Variants in TTC6 observed in about 807,000 individuals in gnomAD.
The protein encoded by TTC6 is tetratricopeptide repeat protein 6.
Under a neutral mutation model 210.4 loss-of-function variants are expected in TTC6, and 172 were observed. The ratio of observed to expected loss-of-function variants is 0.82; its 90% CI spans 0.72 to 0.93. The LOEUF is 0.93. Among genes scored for constraint, TTC6 ranks in the 40% least tolerant of loss-of-function variants. The pLI, the probability that TTC6 is intolerant of heterozygous loss-of-function variation, is 0.00. For synonymous variants in TTC6, 804 were observed against 819.6 expected (o/e 0.98, Z 0.32); for missense variants, 2,414 against 2,318.1 (o/e 1.04, Z -0.85).
intron 5 of TTC6, among the ~76,000 whole-genome samples, chr14:37,713,923 A>G (rs1003473138): frequency 9.2e-5 from 14 of 152,174 alleles, no homozygotes; most frequent in African/African-American, 2.7e-4. Flanking sequence ...AAATGCTTCA[A>G]TGTGAAATTG....
At chr14:37,611,034 T>C (rs1233383861) in intron 2 of TTC6, among the ~76,000 whole-genome samples, 1 of 152,220 alleles carries the variant, frequency 6.6e-6, no homozygotes. Context: ...AAGAGGCTCT[T>C]CGGGAGCAGC....
intron 6 of TTC6, among the ~76,000 whole-genome samples, chr14:37,721,683 T>C (rs926196330): frequency 6.6e-6 from 1 of 151,906 alleles, no homozygotes; most frequent in Non-Finnish European, 1.5e-5. Context: ...ACCGCCATCA[T>C]ACTTCACCAT....
intron 1 of TTC6, among the ~76,000 whole-genome samples, chr14:37,673,929 T>A (rs1310120243): frequency 6.6e-6 from 1 of 152,174 alleles, no homozygotes; most frequent in African/African-American, 2.4e-5. Context: ...AAAAATTTGT[T>A]TAACACTTTG....
At chr14:37,737,926 C>A (rs1177081000) in intron 9 of TTC6, among the ~76,000 whole-genome samples, 192 bp downstream of exon 11, 1 of 151,638 alleles carries the variant, frequency 6.6e-6, no homozygotes, top group Non-Finnish European at 1.5e-5. Flanking sequence ...CTCTGTTGTA[C>A]TTTAGTACAT....
Position 37,821,482 on chromosome 14 carries a change from G to C in TTC6, c.4764-2265G>C, listed in dbSNP as rs185649304. ...CTGAGTAACTCAAAAGGCAGCATCT[G>C]ATTCCCATATGTGGATGTTAACCTT... On this transcript the variant is annotated intron_variant, in intron 26 of 30. Transcript: ENST00000553443. 2.8e-3 allele frequency among the ~76,000 whole-genome samples: 431 copies of C among 152,276 alleles called. 10 individuals are homozygous for C. Among genetic ancestry groups the C allele is most frequent in the Admixed American group, 0.025 (389 of 15,286 alleles).
At chr14:37,739,264 G>C in intron 10 of TTC6, 109 bp downstream of exon 12, 1 of 1,133,684 alleles carries the variant, frequency 8.8e-7, no homozygotes, top group East Asian at 2.7e-5. Flanking sequence ...CTGAACATAT[G>C]AACCTTTCAC....
intron 1 of TTC6, among the ~76,000 whole-genome samples, chr14:37,604,502 G>A (rs918018511): frequency 6.6e-6 from 1 of 152,114 alleles, no homozygotes; most frequent in Admixed American, 6.5e-5. Flanking sequence ...GTCTGCCTGT[G>A]CCTTTCCTGG....
chr14:37,743,510 TCA>T (rs1402075854), intron 10 of TTC6, among the ~76,000 whole-genome samples: 1 of 152,230 alleles, frequency 6.6e-6, no homozygotes, highest in African/African-American at 2.4e-5. Context: ...GAGAAATAAG[TCA>T]CAATTAACAT....
chr14:37,806,221 C>T, intron 21 of TTC6, 140 bp from the exon 24 acceptor site: 2 of 838,790 alleles, frequency 2.4e-6, no homozygotes, highest in Non-Finnish European at 3.5e-6. Context: ...CCATGAGGTC[C>T]ATTAGGAGAA....
intron 21 of TTC6, among the ~76,000 whole-genome samples, chr14:37,806,097 TA>T (rs1308569337): frequency 6.6e-6 from 1 of 152,136 alleles, no homozygotes; most frequent in Non-Finnish European, 1.5e-5. Context: ...GAAGAATAAT[TA>T]AAATTATACC....
rs774344674 is a variant in TTC6 at position 37,826,267 on chromosome 14, G to A, written c.5047G>A (p.Ala1683Thr). 2.2e-5 allele frequency: 36 copies of A among 1,612,592 alleles called. No homozygotes were observed. The East Asian group carries it at 7.8e-4, about 35-fold the overall frequency. The change falls in exon 28 of 31, where the codon GCC (alanine) becomes ACC (threonine). Residue 1683 changes from alanine (A) to threonine (T), a missense_variant. Physicochemically the swap from Ala to Thr is moderately conservative, Grantham distance 58. Transcript: ENST00000553443. ...AGATACTGATCCAAAGAACTACCTA[G>A]CCTATGAAGGAAGAGCTGTGGTCTG...
intron 2 of TTC6, among the ~76,000 whole-genome samples, chr14:37,680,491 G>C (rs2095781047): frequency 6.6e-6 from 1 of 152,068 alleles, no homozygotes; most frequent in Non-Finnish European, 1.5e-5. Context: ...CTTTTTAGAA[G>C]GGGAGGACTT....
At chr14:37,683,888 C>G (rs2095789095) in intron 3 of TTC6, among the ~76,000 whole-genome samples, 1 of 151,770 alleles carries the variant, frequency 6.6e-6, no homozygotes, top group Non-Finnish European at 1.5e-5. Context: ...AAAAACAGAC[C>G]CTTTTCCTTG....
At chr14:37,788,076 G>C (rs2096072022) in intron 15 of TTC6, among the ~76,000 whole-genome samples, 3 of 151,958 alleles carry the variant, frequency 2.0e-5, no homozygotes, top group African/African-American at 7.3e-5. Flanking sequence ...TGCTCCATAG[G>C]CTCAGCCCAA....
intron 10 of TTC6, among the ~76,000 whole-genome samples, chr14:37,747,631 T>C (rs1222436968): frequency 6.6e-6 from 1 of 152,158 alleles, no homozygotes; most frequent in African/African-American, 2.4e-5. Flanking sequence ...TTCCCTCTGT[T>C]GGAGTTCCTA....
Position 37,638,093 on chromosome 14 carries a change from A to G in TTC6, c.939+15090A>G, listed in dbSNP as rs562730742. On this transcript the variant is annotated intron_variant, in intron 1 of 30. Transcript: ENST00000553443. ...ACTGTCAACAACCCAGATGTCCTTC[A>G]AGGGGTAAATGGATATATAACTTAG... 1.7e-3 allele frequency among the ~76,000 whole-genome samples: 252 copies of G among 152,296 alleles called. 2 individuals are homozygous for G. Among genetic ancestry groups the G allele is most frequent in the African/African-American group, 5.1e-3 (212 of 41,558 alleles).
At chr14:37,680,175 T>A in exon 2 of TTC6, 1 of 1,532,338 alleles carries the variant, frequency 6.5e-7, no homozygotes, top group Non-Finnish European at 8.7e-7. Flanking sequence ...GGGAAAAATG[T>A]ACCTCAAAAC....
intron 3 of TTC6, among the ~76,000 whole-genome samples, chr14:37,685,853 T>A (rs1374635869): frequency 2.6e-5 from 4 of 152,130 alleles, no homozygotes; most frequent in Non-Finnish European, 5.9e-5. Context: ...ACTTTTATAT[T>A]TTTTTAAGTG....
At chr14:37,741,761 C>T (rs1016807523) in intron 10 of TTC6, among the ~76,000 whole-genome samples, 11 of 152,160 alleles carry the variant, frequency 7.2e-5, no homozygotes, top group Non-Finnish European at 2.9e-5. Flanking sequence ...GAAAGTCACT[C>T]CTGCAGAAAG....
Sources: gnomAD v4.1 joint callset for allele counts (sites outside exome capture counted in the v4.1 genomes callset) on GRCh38, gnomAD v4.1.1 for gene constraint, MANE v1.5 for transcripts, NCBI Gene and HGNC (gene_info 2026-07-23, HGNC 2026-07-21) for gene names.